The following KLHL38 variants were observed in gnomAD, a reference collection of about 807,000 sequenced individuals.
KLHL38 encodes kelch like family member 38.
In KLHL38, 38 loss-of-function variants were observed where a neutral mutation model predicts 39.6. That is an observed-to-expected ratio of 0.96 (90% CI 0.74 to 1.26). The LOEUF (loss-of-function observed/expected upper bound fraction) is 1.26. Ranked by LOEUF, KLHL38 falls within the 50% of genes most tolerant of loss-of-function variation. The pLI is 0.00. For synonymous variants in KLHL38, 322 were observed against 302.2 expected, an observed-to-expected ratio of 1.07 and a Z score of -0.68; for missense variants, 803 against 748.1, an observed-to-expected ratio of 1.07 and a Z score of -0.86.
In KLHL38 at chr8:123,645,028, G is replaced by C. The variant is rs1818632699; in HGVS notation, c.*711C>G. On this transcript the variant is annotated 3_prime_UTR_variant, in exon 4 of 4. Coordinates refer to ENST00000684634, the MANE Select transcript of KLHL38 (RefSeq NM_001081675.3). ...AGGGATGAGAGAGAGGAAGACAGAG[G>C]GGAGACTGAGAGAGAGAGAGAGAGA... 1.0e-5 allele frequency among the ~76,000 whole-genome samples: 1 copy of C among 99,532 alleles called. No homozygotes were observed. Among genetic ancestry groups the C allele is most frequent in the African/African-American group, 4.4e-5 (1 of 22,506 alleles). The allele number at this position is 99,532 out of a possible 152,430, so 65.3% of individuals were successfully genotyped here.
At chr8:123,648,676 G>A (rs896605390) in intron 2 of KLHL38, among the ~76,000 whole-genome samples, 12 of 152,192 alleles carry the variant, frequency 7.9e-5, no homozygotes, top group Non-Finnish European at 1.8e-4. Flanking sequence ...AACAAAGGAT[G>A]ATCTTTGACC....
intron 2 of KLHL38, among the ~76,000 whole-genome samples, chr8:123,647,491 T>C (rs560076877): frequency 6.6e-6 from 1 of 152,262 alleles, no homozygotes; most frequent in South Asian, 2.1e-4. Context: ...TGCCCGAAAG[T>C]CATTACAGTC....
chr8:123,646,946 A>G lies in KLHL38; in HGVS notation c.1419T>C (p.Pro473=). 6.2e-7 allele frequency: 1 copy of G among 1,613,834 alleles called. No individual in the cohort carries two copies. Among genetic ancestry groups the G allele is most frequent in the Non-Finnish European group, 8.5e-7 (1 of 1,179,816 alleles). ...ETRMIKNVCA[P]AVVLGERIVI... is the part of the protein sequence containing the mutation. ...CAATCCGCTCCCCAAGCACCACTGC[A>G]GGGGCACACACGTTCTTGATCATTC... Residue 473 remains proline (P), a synonymous_variant, in exon 3 of 4, where the codon CCT becomes CCC. Transcript: ENST00000684634.
rs752658087 is a variant in KLHL38, at chr8:123,652,663, G to A, written c.264C>T (p.Ile88=). The A allele has an allele frequency of 2.4e-5, 39 of 1,614,098 alleles. No individual in the cohort carries two copies. The highest frequency in any genetic ancestry group is 1.9e-5 in the Non-Finnish European group (22 of 1,180,048). ...CCTCCCCCGTATACACGTAGGAGAC[G>A]ATCTGGTCCAGGGTTGGGGGGTCAA... ...KGIDPPTLDQ[I]VSYVYTGEAH... Residue 88 remains isoleucine, a synonymous_variant, in exon 2 of 4, where the codon ATC becomes ATT. Transcript: ENST00000684634.
In KLHL38 at chr8:123,652,791, G is replaced by T. The variant is rs779299751; in HGVS notation, c.136C>A (p.Pro46Thr). 1 of 1,614,002 alleles carries T rather than the reference G, an allele frequency of 6.2e-7. No individual in the cohort carries two copies. Among genetic ancestry groups the T allele is most frequent in the Non-Finnish European group, 8.5e-7 (1 of 1,180,026 alleles). The change falls in exon 2 of 4, where the codon CCC becomes ACC. Residue 46 changes from proline to threonine, a missense_variant. Transcript: ENST00000684634. ...GAGGCCAGCACGTTGCGGTGGCAGG[G>T]GATCTCCCGGGCACCGGCACAGATG... Reference protein sequence around the residue: ...VSICAGAREIPCHRNVLASSS... With the variant: ...VSICAGAREITCHRNVLASSS...
In KLHL38 at chr8:123,646,884, CCAGTGATCCTCTGTT is replaced by C. The variant is rs1338300854; in HGVS notation, c.1456+10_1456+24del. The stretch of plus-strand genomic sequence containing the variant: ...AGAAGGTGCCAAGTTTGTGTCACGC[CCAGTGATCCTCTGTT>C]CAGACTCACCTCCCACAATGACAAT... On this transcript the variant is annotated intron_variant, in intron 3 of 3. Coordinates refer to ENST00000684634, the MANE Select transcript of KLHL38 (RefSeq NM_001081675.3). 1 of 1,520,296 alleles carries C rather than the reference CCAGTGATCCTCTGTT, an allele frequency of 6.6e-7. No homozygotes were observed. The allele number at this position is 1,520,296 out of a possible 1,614,324, so 94.2% of individuals were successfully genotyped here. A position where few individuals can be genotyped will look rare whatever the true frequency, so the allele number is the denominator to read the frequency against.
chr8:123,648,037 C>T (rs969391105), intron 2 of KLHL38, among the ~76,000 whole-genome samples: 2 of 152,158 alleles, frequency 1.3e-5, no homozygotes, highest in Non-Finnish European at 2.9e-5. Context: ...GTTGAGATCA[C>T]ACCACTGCAC....
rs149265919 is a variant in KLHL38 at position 123,653,107 on chromosome 8, T to A, written c.-1-180A>T. ...AGATTGGAAAGGAAGGCCACATACA[T>A]CTCAGACCTGAGCCCTTTTGGGTTA... On this transcript the variant is annotated intron_variant, in intron 1 of 3. Coordinates refer to ENST00000684634, the MANE Select transcript of KLHL38 (RefSeq NM_001081675.3). 1.2e-4 allele frequency among the ~76,000 whole-genome samples: 19 copies of A among 152,294 alleles called. No homozygotes were observed. The East Asian group carries it at 3.3e-3, about 26-fold the overall frequency.
At position 123,652,696 on chromosome 8, in the gene KLHL38, C is replaced by T; in HGVS notation, c.231G>A (p.Leu77=). 1.9e-6 allele frequency: 3 copies of T among 1,614,196 alleles called. No individual in the cohort carries two copies. Among genetic ancestry groups the T allele is most frequent in the Non-Finnish European group, 2.5e-6 (3 of 1,180,032 alleles). Residue 77 remains leucine, a synonymous_variant, in exon 2 of 4, where the codon CTG becomes CTA. Transcript: ENST00000684634. ...CCAGGGTTGGGGGGTCAATGCCTTT[C>T]AGCTGCACTTTGGCTTCACTCTTCT... The part of the protein sequence containing the change: ...FREKSEAKVQ[L]KGIDPPTLDQ...
intron 2 of KLHL38, among the ~76,000 whole-genome samples, chr8:123,647,485 C>T (rs968132426): frequency 6.6e-5 from 10 of 152,060 alleles, no homozygotes; most frequent in Admixed American, 6.6e-4. Context: ...CGTTCATGCC[C>T]GAAAGTCATT....
Position 123,652,656 on chromosome 8 carries a change from A to G in KLHL38, c.271T>C (p.Tyr91His). ...DPPTLDQIVS[Y>H]VYTGEAHIAT... The stretch of plus-strand genomic sequence containing the variant: ...ATATGTGCCTCCCCCGTATACACGT[A>G]GGAGACGATCTGGTCCAGGGTTGGG... The change falls in exon 2 of 4, where the codon TAC becomes CAC. Residue 91 changes from tyrosine to histidine, a missense_variant. Physicochemically the swap from Tyr to His is moderately conservative, Grantham distance 83. Transcript: ENST00000684634. 1 of 1,614,200 alleles carries G rather than the reference A, an allele frequency of 6.2e-7. No homozygotes were observed. Among genetic ancestry groups the G allele is most frequent in the Non-Finnish European group, 8.5e-7 (1 of 1,180,020 alleles).
chr8:123,646,157 G>C, intron 3 of KLHL38, 129 bp from the exon 4 acceptor site: 1 of 840,448 alleles, frequency 1.2e-6, no homozygotes, highest in East Asian at 2.6e-5. Flanking sequence ...TAGCACGTGG[G>C]ATGTTGAGCT....
intron 2 of KLHL38, among the ~76,000 whole-genome samples, chr8:123,651,257 G>A (rs776527274): frequency 1.1e-4 from 16 of 152,210 alleles, no homozygotes; most frequent in Non-Finnish European, 2.2e-4. Context: ...ATGTGTGCAT[G>A]CATGTGTAGA....
At chr8:123,648,965 C>T (rs73339449) in intron 2 of KLHL38, among the ~76,000 whole-genome samples, 71 of 152,300 alleles carry the variant, frequency 4.7e-4, no homozygotes, top group African/African-American at 1.6e-3. Context: ...AAAGCTAGTG[C>T]AAAGTAGATA....
chr8:123,651,569 C>T lies in KLHL38; in HGVS notation c.1350+8G>A, dbSNP rs749722185. On this transcript the variant is annotated splice_region_variant and intron_variant, in intron 2 of 3. Coordinates refer to ENST00000684634, the MANE Select transcript of KLHL38 (RefSeq NM_001081675.3). Reference sequence around the variant, plus strand: ...GCAGTTACGTGATGGGAAGAACCGGCCATTTACCTGGATAAGGCGCACAGG... The same window carrying T: ...GCAGTTACGTGATGGGAAGAACCGGTCATTTACCTGGATAAGGCGCACAGG... The T allele has an allele frequency of 4.5e-6, 7 of 1,550,596 alleles. No individual in the cohort carries two copies. Among genetic ancestry groups the T allele is most frequent in the Non-Finnish European group, 6.1e-6 (7 of 1,153,924 alleles).
Position 123,645,308 on chromosome 8 carries a change from AT to A in KLHL38, c.*430del, listed in dbSNP as rs1818641349. Reference sequence around the variant, plus strand: ...AAAAATTAGCTGGACTTGGTGGCACATGCCTATAATCCCAGCTACTCAGGAG... The same window carrying A: ...AAAAATTAGCTGGACTTGGTGGCACAGCCTATAATCCCAGCTACTCAGGAG... On this transcript the variant is annotated 3_prime_UTR_variant, in exon 4 of 4. Coordinates refer to ENST00000684634, the MANE Select transcript of KLHL38 (RefSeq NM_001081675.3). 6.6e-6 allele frequency among the ~76,000 whole-genome samples: 1 copy of A among 152,136 alleles called. No individual in the cohort carries two copies. The highest frequency in any genetic ancestry group is 1.5e-5 in the Non-Finnish European group (1 of 68,022).
At position 123,645,027 on chromosome 8, in the gene KLHL38, G is replaced by GA. The variant is rs369340259; in HGVS notation, c.*711_*712insT. Among the ~76,000 whole-genome samples, 5,520 of 88,054 alleles carry GA rather than the reference G, an allele frequency of 0.063. 157 individuals carry two copies. The highest frequency in any genetic ancestry group is 0.084 in the Non-Finnish European group (3,870 of 45,908). The allele number at this position is 88,054 out of a possible 152,430, so 57.8% of individuals were successfully genotyped here. A position where few individuals can be genotyped will look rare whatever the true frequency, so the allele number is the denominator to read the frequency against. On this transcript the variant is annotated 3_prime_UTR_variant, in exon 4 of 4. Coordinates refer to ENST00000684634, the MANE Select transcript of KLHL38 (RefSeq NM_001081675.3). ...TAGGGATGAGAGAGAGGAAGACAGA[G>GA]GGGAGACTGAGAGAGAGAGAGAGAG...
Position 123,652,138 on chromosome 8 carries a change from A to G in KLHL38, c.789T>C (p.Cys263=), listed in dbSNP as rs947425066. 1.9e-6 allele frequency: 3 copies of G among 1,614,052 alleles called. No homozygotes were observed. Among genetic ancestry groups the G allele is most frequent in the Non-Finnish European group, 2.5e-6 (3 of 1,180,030 alleles). Residue 263 remains cysteine, a synonymous_variant, in exon 2 of 4, where the codon TGT becomes TGC. Coordinates refer to ENST00000684634, the MANE Select transcript of KLHL38 (RefSeq NM_001081675.3). ...GTTTGCAGTCTGGGACGGTGGTGCC[A>G]CACAAAGAGAACATCTGTCTCTTGG... The part of the protein sequence containing the change: ...ETAKRQMFSL[C]GTTVPDCKLL...
rs1332102976 is a variant in KLHL38 at position 123,645,369 on chromosome 8, G to A, written c.*370C>T. On this transcript the variant is annotated 3_prime_UTR_variant, in exon 4 of 4. Transcript: ENST00000684634. ...TGAGAATCGCTTGAACCTGGGAGGTGGGGGTTTCAGTGAGCTGAGATAGCA... is the reference window on the plus strand; with the variant it reads ...TGAGAATCGCTTGAACCTGGGAGGTAGGGGTTTCAGTGAGCTGAGATAGCA... Among the ~76,000 whole-genome samples, 2 of 151,796 alleles carry A rather than the reference G, an allele frequency of 1.3e-5. No individual in the cohort carries two copies. Among genetic ancestry groups the A allele is most frequent in the African/African-American group, 4.8e-5 (2 of 41,284 alleles).
Sources: allele counts gnomAD v4.1 joint callset (sites outside exome capture counted in the v4.1 genomes callset), GRCh38; gene constraint gnomAD v4.1.1; transcripts MANE v1.5; gene names NCBI Gene and HGNC (gene_info 2026-07-23, HGNC 2026-07-21).